The following IQCH variants were observed in gnomAD, a reference collection of about 807,000 sequenced individuals.
IQCH encodes the protein IQ domain-containing protein H.
IQCH carries 98 observed loss-of-function variants against 117.0 expected under a neutral mutation model. That is an observed-to-expected ratio of 0.84 (90% CI 0.71 to 0.99). IQCH has a LOEUF of 0.99. Ranked by LOEUF, IQCH falls within the 50% of genes least tolerant of loss-of-function variation. IQCH has a pLI of 0.00. For missense variants in IQCH, 1,102 were observed against 1,243.8 expected (o/e 0.89, Z 1.72); for synonymous variants, 412 against 448.2 (o/e 0.92, Z 1.02).
chr15:67,305,978 C>A (rs867923588), intron 4 of IQCH, among the ~76,000 whole-genome samples: 1 of 152,146 alleles, frequency 6.6e-6, no homozygotes, highest in Middle Eastern at 3.4e-3. Flanking sequence ...AATAGATATT[C>A]ATTTACTGTA....
chr15:67,478,257 C>T (rs2083254270), intron 18 of IQCH, among the ~76,000 whole-genome samples: 5 of 151,984 alleles, frequency 3.3e-5, no homozygotes, highest in Admixed American at 3.3e-4. Context: ...TGGTGGCATG[C>T]ACCTATAATC....
rs1013511069 is a variant in IQCH at position 67,413,741 on chromosome 15, C to A, written c.2098-3190C>A. Among the ~76,000 whole-genome samples, 1 of 152,126 alleles carries A rather than the reference C, an allele frequency of 6.6e-6. No individual in the cohort carries two copies. The highest frequency in any genetic ancestry group is 2.4e-5 in the African/African-American group (1 of 41,420). The stretch of plus-strand genomic sequence containing the variant: ...CATGGCCCCAAGCTGCCTCTGTGTG[C>A]CCCAGCATCCCTACTGAATGTCACC... On this transcript the variant is annotated intron_variant, in intron 14 of 20. Coordinates refer to ENST00000335894, the MANE Select transcript of IQCH (RefSeq NM_001031715.3). The surrounding 1 kb of genome is among the most constrained non-coding windows in gnomAD (Gnocchi z 5.0).
Position 67,421,435 on chromosome 15 carries a change from C to G in IQCH, c.2363C>G (p.Thr788Ser), listed in dbSNP as rs1332310896. Residue 788 changes from threonine (T) to serine (S), a missense_variant, in exon 16 of 21, where the codon ACC becomes AGC. Physicochemically the swap from Thr to Ser is moderately conservative, Grantham distance 58. Coordinates refer to ENST00000335894, the MANE Select transcript of IQCH (RefSeq NM_001031715.3). ...AESPFISSGT[T>S]VPQTSVDPQV... Reference sequence around the variant, plus strand: ...AGCCCCTTCATCTCCTCTGGTACCACCGTGCCTCAGACCTCAGTGGATCCC... The same window carrying G: ...AGCCCCTTCATCTCCTCTGGTACCAGCGTGCCTCAGACCTCAGTGGATCCC... 1 of 1,614,194 alleles carries G rather than the reference C, an allele frequency of 6.2e-7. No homozygotes were observed. The highest frequency in any genetic ancestry group is 1.1e-5 in the South Asian group (1 of 91,082).
chr15:67,271,588 T>C (rs1345911182), intron 3 of IQCH, among the ~76,000 whole-genome samples: 1 of 152,226 alleles, frequency 6.6e-6, no homozygotes, highest in Non-Finnish European at 1.5e-5. Context: ...GGCTTTGATC[T>C]CTTTACTCCT....
Position 67,385,032 on chromosome 15 carries a change from GT to G in IQCH, c.1456+17del, listed in dbSNP as rs746698014. 2.0e-6 allele frequency: 3 copies of G among 1,495,328 alleles called. No homozygotes were observed. In the African/African-American group the frequency reaches 4.1e-5, roughly 21 times the overall value. The allele number at this position is 1,495,328 out of a possible 1,614,324, so 92.6% of individuals were successfully genotyped here. A position where few individuals can be genotyped will look rare whatever the true frequency, so the allele number is the denominator to read the frequency against. The stretch of plus-strand genomic sequence containing the variant: ...TGTGACATCTTAGGTACAGTAAATA[GT>G]TTTACACAAATGACTCTTTGGAATG... On this transcript the variant is annotated intron_variant, in intron 11 of 20. Coordinates refer to ENST00000335894, the MANE Select transcript of IQCH (RefSeq NM_001031715.3). The surrounding 1 kb of genome is among the most constrained non-coding windows in gnomAD (Gnocchi z 4.6).
chr15:67,397,763 T>C (rs1329656054), intron 13 of IQCH, among the ~76,000 whole-genome samples: 1 of 88,828 alleles, frequency 1.1e-5, no homozygotes, highest in Non-Finnish European at 2.2e-5. Flanking sequence ...TTACATCTTT[T>C]GAACAGATAG....
At chr15:67,327,543 A>C (rs183149550) in intron 4 of IQCH, among the ~76,000 whole-genome samples, 105 of 152,314 alleles carry the variant, frequency 6.9e-4, no homozygotes, top group Middle Eastern at 3.4e-3. Flanking sequence ...TGTGGACTAC[A>C]TCTTCCTATT....
intron 16 of IQCH, among the ~76,000 whole-genome samples, chr15:67,464,634 G>A (rs969223171): frequency 2.0e-5 from 3 of 152,186 alleles, no homozygotes; most frequent in Non-Finnish European, 4.4e-5. Context: ...CCAACCATTA[G>A]TTTCCCTTAA....
chr15:67,263,873 C>G (rs1965560072), intron 3 of IQCH, among the ~76,000 whole-genome samples: 1 of 152,180 alleles, frequency 6.6e-6, no homozygotes. Context: ...GTGACCTTGC[C>G]TTATCTTTGG....
chr15:67,317,968 A>G (rs1228981988), intron 4 of IQCH, among the ~76,000 whole-genome samples: 2 of 152,168 alleles, frequency 1.3e-5, no homozygotes, highest in African/African-American at 4.8e-5. Context: ...CCCAAGGCCC[A>G]GGTAGTCAAC....
chr15:67,405,745 C>T lies in IQCH; in HGVS notation c.2097+5440C>T, dbSNP rs1457009522. On this transcript the variant is annotated intron_variant, in intron 14 of 20. Transcript: ENST00000335894. The surrounding 1 kb of genome is among the most constrained non-coding windows in gnomAD (Gnocchi z 4.8). ...TTATTTGAAAGTCCTGGGAAGTGTT[C>T]TCCCTCAGGTCCTTGCCTTTGTGAC... 1.3e-5 allele frequency: 2 copies of T among 152,248 alleles called. No homozygotes were observed. The highest frequency in any genetic ancestry group is 2.9e-5 in the Non-Finnish European group (2 of 68,050). 9.4% of individuals were successfully genotyped at this position (152,248 alleles called of 1,614,324 possible).
intron 4 of IQCH, among the ~76,000 whole-genome samples, chr15:67,329,821 T>TAC (rs35445898): frequency 0.64 from 95,019 of 148,738 alleles, 31,090 homozygotes; most frequent in Middle Eastern, 0.84. Context: ...GAGTGAATTA[T>TAC]ACACACACAC....
At chr15:67,348,728 G>T (rs976905260) in intron 6 of IQCH, among the ~76,000 whole-genome samples, 3 of 152,174 alleles carry the variant, frequency 2.0e-5, no homozygotes, top group Non-Finnish European at 4.4e-5. Flanking sequence ...TCCCAATCAG[G>T]ATCTCAGTAA....
chr15:67,363,216 T>C (rs1003384459), intron 8 of IQCH, among the ~76,000 whole-genome samples: 1 of 151,048 alleles, frequency 6.6e-6, no homozygotes, highest in Non-Finnish European at 1.5e-5. Context: ...GGAATCTTTT[T>C]TAAAAAACAC....
At chr15:67,377,979 A>G (rs536164226) in intron 10 of IQCH, among the ~76,000 whole-genome samples, 1 of 152,288 alleles carries the variant, frequency 6.6e-6, no homozygotes, top group African/African-American at 2.4e-5. Flanking sequence ...GAAGTTCATG[A>G]AATACAGCAT....
At chr15:67,379,848 A>T (rs1970863157) in intron 10 of IQCH, among the ~76,000 whole-genome samples, 1 of 151,664 alleles carries the variant, frequency 6.6e-6, no homozygotes. Context: ...TTCATAAATT[A>T]CTCAGTTCTT....
At chr15:67,440,052 G>C (rs568814501) in intron 16 of IQCH, among the ~76,000 whole-genome samples, 1 of 151,902 alleles carries the variant, frequency 6.6e-6, no homozygotes, top group South Asian at 2.1e-4. Context: ...AACTGACACC[G>C]CAGAAAGACA....
chr15:67,395,566 A>G lies in IQCH; in HGVS notation c.1905+3A>G, dbSNP rs978498827. ...ATGATATTTATAGTCAGCAACAGGT[A>G]TGTGGGGTGGACAAGTGAAGCTCTG... On this transcript the variant is annotated splice_donor_region_variant and intron_variant, in intron 13 of 20. Transcript: ENST00000335894. The surrounding 1 kb of genome is among the most constrained non-coding windows in gnomAD (Gnocchi z 4.0). 1.1e-5 allele frequency: 18 copies of G among 1,612,984 alleles called. No individual in the cohort carries two copies. The highest frequency in any genetic ancestry group is 1.5e-5 in the Non-Finnish European group (18 of 1,179,162).
rs1169774623 is a variant in IQCH, at chr15:67,416,493, G to C, written c.2098-438G>C. ...GATCACGCCATTGCACTCCAGCCTG[G>C]GCAACAAGAGCAAAACTGCGTCTCA... On this transcript the variant is annotated intron_variant, in intron 14 of 20. Coordinates refer to ENST00000335894, the MANE Select transcript of IQCH (RefSeq NM_001031715.3). This position sits in a 1 kb window ranked among gnomAD's most constrained non-coding sequence, Gnocchi z 5.1. Among the ~76,000 whole-genome samples, 13 of 151,572 alleles carry C rather than the reference G, an allele frequency of 8.6e-5. No homozygotes were observed. Among genetic ancestry groups the C allele is most frequent in the Non-Finnish European group, 1.5e-4 (10 of 67,962 alleles).
Sources: allele counts gnomAD v4.1 joint callset (sites outside exome capture counted in the v4.1 genomes callset), GRCh38; gene constraint gnomAD v4.1.1; non-coding constraint Gnocchi (gnomAD v3.1); transcripts MANE v1.5; gene names NCBI Gene and HGNC (gene_info 2026-07-23, HGNC 2026-07-21).